The following ZBTB5 variants were observed in gnomAD, a reference collection of about 807,000 sequenced individuals.
ZBTB5 encodes zinc finger and BTB domain-containing protein 5.
In ZBTB5, 15 loss-of-function variants were observed where a neutral mutation model predicts 37.9. The observed-to-expected ratio is 0.40, with a 90% confidence interval of 0.26 to 0.61. ZBTB5 has a LOEUF of 0.61. Ranked by LOEUF, ZBTB5 falls within the 20% of genes least tolerant of loss-of-function variation. The pLI is 0.47. For synonymous variants in ZBTB5, 315 were observed against 312.4 expected (o/e 1.01, Z -0.09); for missense variants, 708 against 856.8 (o/e 0.83, Z 2.17).
chr9:37,440,814 C>G lies in ZBTB5; in HGVS notation c.1738G>C (p.Gly580Arg). ...SFENGHPSQP[G>R]PPQLTRASAD... ...GATGCCCTGGTCAACTGTGGAGGGC[C>G]AGGCTGGGAAGGATGGCCATTTTCA... The change falls in exon 2 of 2, where the codon GGC (glycine) becomes CGC (arginine). Residue 580 changes from glycine (G) to arginine (R), a missense_variant. By Grantham distance (125) the Gly-to-Arg change is moderately radical. Around this residue, in one of 3 missense-constraint regions of ZBTB5, gnomAD observed 639 missense variants for 690.5 expected, o/e 0.93. Coordinates refer to ENST00000307750, the MANE Select transcript of ZBTB5 (RefSeq NM_014872.3). 6.2e-7 allele frequency: 1 copy of G among 1,614,208 alleles called. No homozygotes were observed. Among genetic ancestry groups the G allele is most frequent in the Non-Finnish European group, 8.5e-7 (1 of 1,180,044 alleles).
rs1299917615 is a variant in ZBTB5, at chr9:37,441,516, C to T, written c.1036G>A (p.Val346Met). ...SPEPQDEVSD[V>M]TSQAEGSESV... ...TCGCTGCCTTCTGCTTGTGAGGTCA[C>T]ATCGCTCACTTCATCCTGAGGCTCA... The change falls in exon 2 of 2, where the codon GTG (valine) becomes ATG (methionine). Residue 346 changes from valine (V) to methionine (M), a missense_variant. Val to Met is a conservative substitution (Grantham distance 21). Transcript: ENST00000307750. 6.2e-7 allele frequency: 1 copy of T among 1,613,120 alleles called. No homozygotes were observed.
At chr9:37,450,484 G>A (rs1191820323) in intron 1 of ZBTB5, among the ~76,000 whole-genome samples, 1 of 152,118 alleles carries the variant, frequency 6.6e-6, no homozygotes, top group Non-Finnish European at 1.5e-5. Flanking sequence ...TATGCATTGA[G>A]CAAAACTGGC....
chr9:37,439,890 A>G lies in ZBTB5; in HGVS notation c.*628T>C, dbSNP rs545202864. The G allele has an allele frequency of 6.5e-6, 1 of 153,292 alleles. No individual in the cohort carries two copies. The highest frequency in any genetic ancestry group is 2.1e-4 in the South Asian group (1 of 4,852). The allele number at this position is 153,292 out of a possible 1,614,324, so 9.5% of individuals were successfully genotyped here. On this transcript the variant is annotated 3_prime_UTR_variant, in exon 2 of 2. Coordinates refer to ENST00000307750, the MANE Select transcript of ZBTB5 (RefSeq NM_014872.3). Reference sequence around the variant, plus strand: ...ACATCTATCCAACAGTGATGTATTCAAAAGTATATACATCTAATAGTCCAA... The same window carrying G: ...ACATCTATCCAACAGTGATGTATTCGAAAGTATATACATCTAATAGTCCAA...
intron 1 of ZBTB5, among the ~76,000 whole-genome samples, chr9:37,456,262 G>A (rs528752081): frequency 2.4e-4 from 36 of 152,256 alleles, no homozygotes; most frequent in Non-Finnish European, 4.1e-4. Flanking sequence ...CCCAGGCTAG[G>A]AATTTTGACA....
intron 1 of ZBTB5, among the ~76,000 whole-genome samples, chr9:37,446,011 G>A (rs890871497): frequency 1.3e-5 from 2 of 152,192 alleles, no homozygotes; most frequent in South Asian, 4.1e-4. Context: ...GGAGGCTAAG[G>A]TGGGAAGACT....
At chr9:37,463,239 T>G (rs1035813450) in intron 1 of ZBTB5, among the ~76,000 whole-genome samples, 1 of 152,170 alleles carries the variant, frequency 6.6e-6, no homozygotes, top group African/African-American at 2.4e-5. Context: ...AGATGAGAAG[T>G]TCACTTCATA....
intron 1 of ZBTB5, among the ~76,000 whole-genome samples, chr9:37,456,512 A>G (rs942156146): frequency 5.9e-5 from 9 of 152,228 alleles, no homozygotes; most frequent in Admixed American, 4.6e-4. Context: ...ACTAGTGACT[A>G]AAGATGAGCA....
chr9:37,441,126 A>C lies in ZBTB5; in HGVS notation c.1426T>G (p.Ser476Ala). ...TCCTGCATAGGCCTGACGAAGTGGG[A>C]GTCTGCAGGTTCACTAAATGGGTTC... is the stretch of plus-strand genomic sequence containing the variant. ...VENPFSEPAD[S>A]HFVRPMQEVM... The change falls in exon 2 of 2, where the codon TCC becomes GCC. Residue 476 changes from serine (S) to alanine (A), a missense_variant. Physicochemically the swap from Ser to Ala is moderately conservative, Grantham distance 99 (BLOSUM62 1). Transcript: ENST00000307750. 2 of 1,614,028 alleles carry C rather than the reference A, an allele frequency of 1.2e-6. No homozygotes were observed. Among genetic ancestry groups the C allele is most frequent in the Non-Finnish European group, 1.7e-6 (2 of 1,179,988 alleles).
chr9:37,454,572 C>T (rs973200555), intron 1 of ZBTB5, among the ~76,000 whole-genome samples: 3 of 152,334 alleles, frequency 2.0e-5, no homozygotes, highest in Admixed American at 6.5e-5. Context: ...AATACACTCT[C>T]ATTACTGTCC....
rs964493564 is a variant in ZBTB5, at chr9:37,438,685, A to G, written c.*1833T>C. 2 of 152,290 alleles carry G rather than the reference A, an allele frequency of 1.3e-5. No individual in the cohort carries two copies. The highest frequency in any genetic ancestry group is 4.8e-5 in the African/African-American group (2 of 41,450). The allele number at this position is 152,290 out of a possible 1,614,324, so 9.4% of individuals were successfully genotyped here. ...CTCCAGGCTAACCCACTGTGTCCCA[A>G]GGTTAATCTCACAAGACACTGGTCC... On this transcript the variant is annotated 3_prime_UTR_variant, in exon 2 of 2. Transcript: ENST00000307750.
chr9:37,464,065 T>C (rs1181717512), intron 1 of ZBTB5, among the ~76,000 whole-genome samples: 1 of 152,224 alleles, frequency 6.6e-6, no homozygotes, highest in Non-Finnish European at 1.5e-5. Flanking sequence ...TCTTCCCATC[T>C]GGACTTTTCC....
chr9:37,465,124 G>T (rs1259600611), intron 1 of ZBTB5, 91 bp downstream of exon 1: 1 of 152,316 alleles, frequency 6.6e-6, no homozygotes, highest in Admixed American at 6.5e-5. Context: ...ACGTCTGCGC[G>T]CTCCCCGACG....
intron 1 of ZBTB5, among the ~76,000 whole-genome samples, chr9:37,464,606 G>C (rs1039432674): frequency 6.6e-6 from 1 of 152,182 alleles, no homozygotes; most frequent in South Asian, 2.1e-4. Flanking sequence ...CCAAACAGGA[G>C]AAGATGGGAC....
At chr9:37,454,879 G>A (rs1225573532) in intron 1 of ZBTB5, among the ~76,000 whole-genome samples, 1 of 152,184 alleles carries the variant, frequency 6.6e-6, no homozygotes, top group Non-Finnish European at 1.5e-5. Flanking sequence ...AACATTCTAA[G>A]GAATCCTTAA....
Position 37,442,342 on chromosome 9 carries a change from C to T in ZBTB5, c.210G>A (p.Glu70=), listed in dbSNP as rs1823901175. The T allele has an allele frequency of 1.9e-6, 3 of 1,614,100 alleles. No individual in the cohort carries two copies. The highest frequency in any genetic ancestry group is 2.5e-6 in the Non-Finnish European group (3 of 1,180,046). The part of the protein sequence containing the change: ...QTMNMIQLDS[E]VVTAEAFAAL... ...CAGCAAAGGCCTCTGCTGTCACCACCTCGCTATCCAGCTGGATCATGTTCA... is the reference window on the plus strand; with the variant it reads ...CAGCAAAGGCCTCTGCTGTCACCACTTCGCTATCCAGCTGGATCATGTTCA... Residue 70 remains glutamate (E), a synonymous_variant, in exon 2 of 2, where the codon GAG becomes GAA. Coordinates refer to ENST00000307750, the MANE Select transcript of ZBTB5 (RefSeq NM_014872.3).
chr9:37,444,268 G>A (rs527762268), intron 1 of ZBTB5, among the ~76,000 whole-genome samples: 73 of 152,150 alleles, frequency 4.8e-4, no homozygotes, highest in African/African-American at 1.7e-3. Context: ...GCGCAATGTC[G>A]GCTCACTGCA....
At chr9:37,455,520 A>G (rs1256637147) in intron 1 of ZBTB5, among the ~76,000 whole-genome samples, 1 of 152,262 alleles carries the variant, frequency 6.6e-6, no homozygotes, top group Non-Finnish European at 1.5e-5. Context: ...GCACTGTAGC[A>G]TGCCCAATGG....
At chr9:37,456,577 T>C (rs1824191661) in intron 1 of ZBTB5, among the ~76,000 whole-genome samples, 1 of 152,174 alleles carries the variant, frequency 6.6e-6, no homozygotes, top group Non-Finnish European at 1.5e-5. Context: ...TCTCCAATTC[T>C]CTCCACATTG....
intron 1 of ZBTB5, among the ~76,000 whole-genome samples, chr9:37,459,641 G>C (rs1214149231): frequency 1.3e-5 from 2 of 148,954 alleles, no homozygotes; most frequent in East Asian, 4.0e-4. Context: ...GCAACCTCCA[G>C]TTCAAGCAAT....
Sources: allele counts gnomAD v4.1 joint callset (sites outside exome capture counted in the v4.1 genomes callset), GRCh38; gene constraint gnomAD v4.1.1; regional missense constraint gnomAD v4.1.1; transcripts MANE v1.5; gene names NCBI Gene and HGNC (gene_info 2026-07-23, HGNC 2026-07-21).